THSD4: variants seen among roughly 807,000 people sequenced by gnomAD.
THSD4 encodes the protein thrombospondin type 1 domain containing 4.
A neutral mutation model predicts 119.0 loss-of-function variants in THSD4; 69 were observed. That is an observed-to-expected ratio of 0.58 (90% CI 0.48 to 0.71). The LOEUF (loss-of-function observed/expected upper bound fraction) is 0.71, where lower values mean the gene tolerates loss of function less well. THSD4 is among the 30% of genes least tolerant of loss of function. The pLI, the probability that THSD4 is intolerant of heterozygous loss-of-function variation, is 0.00. For synonymous variants in THSD4, 524 were observed against 540.4 expected (o/e 0.97, Z 0.42); for missense variants, 1,393 against 1,391.1 (o/e 1.00, Z -0.02).
chr15:71,483,568 TTTA>T (rs2047767599), intron 7 of THSD4, among the ~76,000 whole-genome samples: 2 of 152,176 alleles, frequency 1.3e-5, no homozygotes, highest in Admixed American at 6.5e-5. Context: ...CTTTTTTTAA[TTTA>T]TTATTTATTA....
At chr15:71,399,653 T>G (rs2046498600) in intron 6 of THSD4, among the ~76,000 whole-genome samples, 1 of 152,184 alleles carries the variant, frequency 6.6e-6, no homozygotes, top group Non-Finnish European at 1.5e-5. Context: ...CTATCCTAGT[T>G]CAGAAGCATC....
Position 71,411,775 on chromosome 15 carries a change from C to A in THSD4, c.1104C>A (p.Thr368=). 2 of 1,614,096 alleles carry A rather than the reference C, an allele frequency of 1.2e-6. No individual in the cohort carries two copies. The highest frequency in any genetic ancestry group is 8.5e-7 in the Non-Finnish European group (1 of 1,179,996). The change falls in exon 7 of 18, where the codon ACC becomes ACA. Residue 368 remains threonine (T), a synonymous_variant. Coordinates refer to ENST00000261862, the MANE Select transcript of THSD4 (RefSeq NM_024817.3). Reference sequence around the variant, plus strand: ...AAGCTGAGAAAGTCATCGATGGCACCCCCTGTGACCAGAACGGCACGGCCA... The same window carrying A: ...AAGCTGAGAAAGTCATCGATGGCACACCCTGTGACCAGAACGGCACGGCCA... ...VRQAEKVIDG[T]PCDQNGTAIC... is the part of the protein sequence containing the mutation.
chr15:71,196,086 G>A (rs1040428119), intron 3 of THSD4, among the ~76,000 whole-genome samples: 3 of 152,156 alleles, frequency 2.0e-5, no homozygotes, highest in African/African-American at 7.2e-5. Flanking sequence ...TCCTCACATA[G>A]TGGAAAGCAG....
intron 6 of THSD4, among the ~76,000 whole-genome samples, chr15:71,389,807 G>GTTTTTTTTTTTTTTTT (rs1237701264): frequency 4.8e-4 from 22 of 46,234 alleles, no homozygotes; most frequent in South Asian, 8.2e-4. Flanking sequence ...TATTTTCTGG[G>GTTTTTTTTTTTTTTTT]TTGTTTTTTT....
In THSD4 at chr15:71,780,673, G is replaced by A. The variant is rs1352412238; in HGVS notation, c.*3299G>A. On this transcript the variant is annotated 3_prime_UTR_variant, in exon 18 of 18. Coordinates refer to ENST00000261862, the MANE Select transcript of THSD4 (RefSeq NM_024817.3). ...CAAGGCAGCCTGTCCCCGCCCCCAG[G>A]GAACTAGAACATGACAAGAATTCTC... 1 of 456,686 alleles carries A rather than the reference G, an allele frequency of 2.2e-6. No individual in the cohort carries two copies. Among genetic ancestry groups the A allele is most frequent in the East Asian group, 6.9e-5 (1 of 14,396 alleles). The allele number at this position is 456,686 out of a possible 1,614,324, so 28.3% of individuals were successfully genotyped here.
chr15:71,318,981 A>C (rs1379238091), intron 6 of THSD4, among the ~76,000 whole-genome samples: 1 of 152,204 alleles, frequency 6.6e-6, no homozygotes, highest in Non-Finnish European at 1.5e-5. Context: ...CTCAGTTTCA[A>C]AATGAGGATG....
chr15:71,642,820 G>C (rs1874391283), intron 7 of THSD4, among the ~76,000 whole-genome samples: 1 of 151,878 alleles, frequency 6.6e-6, no homozygotes, highest in African/African-American at 2.4e-5. Flanking sequence ...GGAGTGGGGA[G>C]GGATAGCATT....
intron 6 of THSD4, among the ~76,000 whole-genome samples, chr15:71,300,005 G>A (rs1181780049): frequency 7.3e-6 from 1 of 137,886 alleles, no homozygotes; most frequent in Non-Finnish European, 1.6e-5. Context: ...ATATATATTA[G>A]CCATGGGTGG....
At chr15:71,386,197 T>C (rs917634600) in intron 6 of THSD4, among the ~76,000 whole-genome samples, 1 of 152,170 alleles carries the variant, frequency 6.6e-6, no homozygotes, top group Non-Finnish European at 1.5e-5. Flanking sequence ...CAAATGTTAA[T>C]GGGTTGACTT....
intron 7 of THSD4, among the ~76,000 whole-genome samples, chr15:71,459,284 G>A (rs1401614197): frequency 6.7e-6 from 1 of 148,996 alleles, no homozygotes; most frequent in East Asian, 2.0e-4. Context: ...TCAGCCTCCT[G>A]AGTAGCTGGG....
At chr15:71,568,249 ATCAACC>A (rs1262340482) in intron 7 of THSD4, among the ~76,000 whole-genome samples, 1 of 152,088 alleles carries the variant, frequency 6.6e-6, no homozygotes, top group Non-Finnish European at 1.5e-5. Context: ...TTGCCCATAC[ATCAACC>A]TTGCATTGAG....
intron 7 of THSD4, among the ~76,000 whole-genome samples, chr15:71,570,895 C>CTGTG (rs886958123): frequency 2.0e-5 from 3 of 152,162 alleles, no homozygotes; most frequent in African/African-American, 7.2e-5. Context: ...GTTTCCCAGA[C>CTGTG]TACACTCCAG....
chr15:71,377,733 T>A (rs1025676871), intron 6 of THSD4, among the ~76,000 whole-genome samples: 1 of 152,032 alleles, frequency 6.6e-6, no homozygotes, highest in African/African-American at 2.4e-5. Context: ...CCAGGGAAAC[T>A]CTTTTGCTGA....
intron 6 of THSD4, among the ~76,000 whole-genome samples, chr15:71,273,153 G>C (rs1337437843): frequency 6.6e-6 from 1 of 152,274 alleles, no homozygotes; most frequent in East Asian, 1.9e-4. Context: ...AGTGCCTATC[G>C]ACAGCTGAAA....
At chr15:71,560,272 A>G (rs2049091971) in intron 7 of THSD4, among the ~76,000 whole-genome samples, 1 of 152,222 alleles carries the variant, frequency 6.6e-6, no homozygotes, top group Non-Finnish European at 1.5e-5. Context: ...AATATTTTTC[A>G]TATTCCTACA....
At chr15:71,112,191 T>C, upstream of THSD4, 2 of 1,613,638 alleles carry the variant, frequency 1.2e-6, no homozygotes, top group Non-Finnish European at 1.7e-6. Context: ...ACAGGAGAAA[T>C]GGCTGAATGT....
At chr15:71,112,330 A>C, upstream of THSD4, 1 of 1,169,538 alleles carries the variant, frequency 8.6e-7, no homozygotes, top group Non-Finnish European at 1.2e-6. Flanking sequence ...ACTATTAATA[A>C]TTAATTAATA....
intron 7 of THSD4, among the ~76,000 whole-genome samples, chr15:71,576,011 C>G (rs1431786045): frequency 6.6e-6 from 1 of 151,918 alleles, no homozygotes; most frequent in Non-Finnish European, 1.5e-5. Context: ...TATATCACTT[C>G]TCTTTTATTA....
chr15:71,180,773 G>T (rs1308723977), intron 3 of THSD4, among the ~76,000 whole-genome samples: 1 of 152,128 alleles, frequency 6.6e-6, no homozygotes, highest in East Asian at 1.9e-4. Context: ...AGGGGGTGAG[G>T]GTGGCTATTC....
Sources: gnomAD v4.1 joint callset for allele counts (sites outside exome capture counted in the v4.1 genomes callset) on GRCh38, gnomAD v4.1.1 for gene constraint, MANE v1.5 for transcripts, NCBI Gene and HGNC (gene_info 2026-07-23, HGNC 2026-07-21) for gene names.